L1TD1: variants seen among roughly 807,000 people sequenced by gnomAD.
L1TD1 encodes the protein LINE1 type transposase domain containing 1.
A neutral mutation model predicts 25.7 loss-of-function variants in L1TD1; 26 were observed. The ratio of observed to expected loss-of-function variants is 1.01; its 90% CI spans 0.74 to 1.40. The LOEUF (loss-of-function observed/expected upper bound fraction) is 1.40, where lower values mean the gene tolerates loss of function less well. Ranked by LOEUF, L1TD1 falls within the 40% of genes most tolerant of loss-of-function variation. The probability of loss-of-function intolerance (pLI) is 0.00; values close to 1 mark genes in which losing one functional copy is unlikely to be tolerated. For synonymous variants in L1TD1, 421 were observed against 335.6 expected (o/e 1.25, Z -2.78); for missense variants, 1,130 against 975.0 (o/e 1.16, Z -2.12).
At chr1:62,203,374 C>T (rs1409501115) in intron 2 of L1TD1, among the ~76,000 whole-genome samples, 2 of 152,086 alleles carry the variant, frequency 1.3e-5, no homozygotes, top group African/African-American at 4.8e-5. Context: ...TCCCTATTCC[C>T]TACATCCACC....
At position 62,207,005 on chromosome 1, in the gene L1TD1, T is replaced by C. The variant is rs1213915915; in HGVS notation, c.377T>C (p.Ile126Thr). ...VGKIEGENSK[I>T]GDDNENLTFK... Reference sequence around the variant, plus strand: ...AAAATAGAAGGAGAAAACTCTAAAATAGGTGATGATAATGAAAATTTAACC... The same window carrying C: ...AAAATAGAAGGAGAAAACTCTAAAACAGGTGATGATAATGAAAATTTAACC... Residue 126 changes from isoleucine to threonine, a missense_variant, in exon 3 of 4, where the codon ATA (isoleucine) becomes ACA (threonine). Physicochemically the swap from Ile to Thr is moderately conservative, Grantham distance 89 (BLOSUM62 -1). Transcript: ENST00000498273. The C allele has an allele frequency of 3.7e-6, 6 of 1,612,922 alleles. No homozygotes were observed. In the Admixed American group the frequency reaches 6.7e-5, roughly 18 times the overall value.
Position 62,210,816 on chromosome 1 carries a change from C to T in L1TD1, c.2042C>T (p.Thr681Ile). 6.5e-7 allele frequency: 1 copy of T among 1,549,196 alleles called. No individual in the cohort carries two copies. The highest frequency in any genetic ancestry group is 8.7e-7 in the Non-Finnish European group (1 of 1,146,520). Reference sequence around the variant, plus strand: ...TTCTCTAAGGATACAATGCAAATGACCAAACAGATAATTAGTAAAGAAAGG... The same window carrying T: ...TTCTCTAAGGATACAATGCAAATGATCAAACAGATAATTAGTAAAGAAAGG... ...EEFSKDTMQM[T>I]KQIISKERQR... Residue 681 changes from threonine (T) to isoleucine (I), a missense_variant, in exon 4 of 4, where the codon ACC (threonine) becomes ATC (isoleucine). Thr to Ile is a moderately conservative substitution (Grantham distance 89). Transcript: ENST00000498273.
rs1403108841 is a variant in L1TD1, at chr1:62,209,854, T to TA, written c.1083dup (p.Glu362ArgfsTer6). The TA allele has an allele frequency of 1.2e-6, 2 of 1,614,018 alleles. No homozygotes were observed. The highest frequency in any genetic ancestry group is 1.7e-6 in the Non-Finnish European group (2 of 1,179,984). On this transcript the variant is annotated frameshift_variant, in exon 4 of 4. Coordinates refer to ENST00000498273, the MANE Select transcript of L1TD1 (RefSeq NM_019079.5). LOFTEE classifies it low-confidence loss of function (END_TRUNC). ...GTGATGGCTTGAGCTTCCTATTTCTTAAAGAAGTAAAAGTTGCTAAGCCAG... is the reference window on the plus strand; with the variant it reads ...GTGATGGCTTGAGCTTCCTATTTCTTAAAAGAAGTAAAAGTTGCTAAGCCAG...
At chr1:62,197,990 A>G (rs1670575166) in intron 2 of L1TD1, among the ~76,000 whole-genome samples, 1 of 152,160 alleles carries the variant, frequency 6.6e-6, no homozygotes, top group African/African-American at 2.4e-5. Flanking sequence ...CATGTCACAC[A>G]TAGAAGAGTG....
At chr1:62,202,769 C>G (rs748680737) in intron 2 of L1TD1, among the ~76,000 whole-genome samples, 1 of 150,658 alleles carries the variant, frequency 6.6e-6, no homozygotes, top group Admixed American at 6.6e-5. Context: ...CTGCAACCTC[C>G]GCCTCCTGGC....
intron 2 of L1TD1, among the ~76,000 whole-genome samples, chr1:62,201,490 T>TGTA: frequency 7.5e-6 from 1 of 132,878 alleles, no homozygotes; most frequent in East Asian, 2.2e-4. Flanking sequence ...AGACCCTGCT[T>TGTA]AAAAAAAAAA....
intron 2 of L1TD1, among the ~76,000 whole-genome samples, chr1:62,198,643 A>G (rs577621039): frequency 3.1e-4 from 47 of 152,212 alleles, no homozygotes; most frequent in African/African-American, 1.1e-3. Context: ...AGGCAATGCA[A>G]ATCAACAAGC....
At chr1:62,205,441 A>ATTTTTTTT (rs1447667211) in intron 2 of L1TD1, among the ~76,000 whole-genome samples, 11 of 53,864 alleles carry the variant, frequency 2.0e-4, no homozygotes, top group Non-Finnish European at 3.0e-4. Context: ...ATATATATAT[A>ATTTTTTTT]TATTTTTTTT....
At chr1:62,201,829 G>GA (rs1157936436) in intron 2 of L1TD1, among the ~76,000 whole-genome samples, 1 of 152,182 alleles carries the variant, frequency 6.6e-6, no homozygotes, top group Admixed American at 6.5e-5. Context: ...AAAATAGGGG[G>GA]AGCGTACATT....
chr1:62,198,129 G>A (rs988575637), intron 2 of L1TD1, among the ~76,000 whole-genome samples: 3 of 151,734 alleles, frequency 2.0e-5, no homozygotes, highest in South Asian at 2.1e-4. Flanking sequence ...CTAACTAGAA[G>A]TCGAAGTTGG....
chr1:62,200,281 A>G (rs923153401), intron 2 of L1TD1, among the ~76,000 whole-genome samples: 4 of 152,166 alleles, frequency 2.6e-5, no homozygotes, highest in South Asian at 2.1e-4. Context: ...CATTCAAGCA[A>G]TTGTCTTGCC....
intron 2 of L1TD1, among the ~76,000 whole-genome samples, chr1:62,205,341 A>G (rs1480233843): frequency 1.3e-5 from 2 of 149,510 alleles, no homozygotes; most frequent in Non-Finnish European, 3.0e-5. Context: ...TGTCAAAAGA[A>G]AAAAACAAAA....
chr1:62,207,901 G>A (rs892268403), intron 3 of L1TD1, among the ~76,000 whole-genome samples: 45 of 152,090 alleles, frequency 3.0e-4, no homozygotes, highest in African/African-American at 1.0e-3. Context: ...CAGTAGAGAC[G>A]GGGTTTCTCC....
chr1:62,200,522 T>A (rs565547680), intron 2 of L1TD1, among the ~76,000 whole-genome samples: 2 of 152,086 alleles, frequency 1.3e-5, no homozygotes. Flanking sequence ...TATGTACTTA[T>A]ATATAGTTAT....
chr1:62,206,858 T>C lies in L1TD1; in HGVS notation c.230T>C (p.Leu77Pro), dbSNP rs1467368590. Reference sequence around the variant, plus strand: ...ATGAGGGAAACTCTTAAAAATGACCTAAAAGCAGTTTTAGGGGGAAAAGCT... The same window carrying C: ...ATGAGGGAAACTCTTAAAAATGACCCAAAAGCAGTTTTAGGGGGAAAAGCT... The part of the protein sequence containing the change: ...EEMRETLKND[L>P]KAVLGGKATI... Residue 77 changes from leucine (L) to proline (P), a missense_variant, in exon 3 of 4, where the codon CTA (leucine) becomes CCA (proline). Physicochemically the swap from Leu to Pro is moderately conservative, Grantham distance 98. Coordinates refer to ENST00000498273, the MANE Select transcript of L1TD1 (RefSeq NM_019079.5). 4 of 1,613,068 alleles carry C rather than the reference T, an allele frequency of 2.5e-6. No individual in the cohort carries two copies. The South Asian group carries it at 4.4e-5, about 18-fold the overall frequency.
At chr1:62,203,424 ACT>A (rs948894079) in intron 2 of L1TD1, among the ~76,000 whole-genome samples, 11 of 148,306 alleles carry the variant, frequency 7.4e-5, no homozygotes, top group Admixed American at 2.7e-4. Flanking sequence ...CTATCATTCT[ACT>A]CTCTTTTTTT....
chr1:62,208,750 A>G (rs993867040), intron 3 of L1TD1, among the ~76,000 whole-genome samples: 17 of 152,152 alleles, frequency 1.1e-4, no homozygotes, highest in Non-Finnish European at 2.1e-4. Context: ...AAGTGCTGGA[A>G]TTACAGGTGT....
Position 62,211,238 on chromosome 1 carries a change from A to C in L1TD1, c.2464A>C (p.Arg822=). The change falls in exon 4 of 4, where the codon AGA becomes CGA. Residue 822 remains arginine, a synonymous_variant. Transcript: ENST00000498273. ...KVLLEKGFNP[R]ILYPAKMAFD... ...TCTGCTGGAAAAAGGCTTTAATCCT[A>C]GAATCCTATATCCAGCCAAAATGGC... 2 of 1,579,712 alleles carry C rather than the reference A, an allele frequency of 1.3e-6. No individual in the cohort carries two copies. The highest frequency in any genetic ancestry group is 1.7e-4 in the Middle Eastern group (1 of 6,022).
At chr1:62,199,517 G>A in intron 2 of L1TD1, among the ~76,000 whole-genome samples, 1 of 139,902 alleles carries the variant, frequency 7.1e-6, no homozygotes, top group Non-Finnish European at 1.6e-5. Context: ...AAAAAAATCA[G>A]CATTTGATAC....
Sources: gnomAD v4.1 joint callset for allele counts (sites outside exome capture counted in the v4.1 genomes callset) on GRCh38, gnomAD v4.1.1 for gene constraint, MANE v1.5 for transcripts, NCBI Gene and HGNC (gene_info 2026-07-23, HGNC 2026-07-21) for gene names.